Variants in RALYL observed in about 807,000 individuals in gnomAD.
RALYL encodes the protein RNA-binding Raly-like protein.
RALYL carries 29 observed loss-of-function variants against 35.1 expected under a neutral mutation model. The observed-to-expected ratio is 0.83, with a 90% confidence interval of 0.61 to 1.13. The LOEUF is 1.13. RALYL is among the 50% of genes most tolerant of loss of function. The pLI is 0.00. For missense variants in RALYL, 359 were observed against 360.4 expected, an observed-to-expected ratio of 1.00 and a Z score of 0.03; for synonymous variants, 120 against 127.6, an observed-to-expected ratio of 0.94 and a Z score of 0.40.
chr8:84,589,216 G>A (rs1302662752), intron 2 of RALYL, among the ~76,000 whole-genome samples: 1 of 152,108 alleles, frequency 6.6e-6, no homozygotes, highest in Non-Finnish European at 1.5e-5. Flanking sequence ...AACATCAATA[G>A]TGATTATGAA....
chr8:84,796,068 A>G (rs1225684395), intron 3 of RALYL, among the ~76,000 whole-genome samples: 1 of 152,178 alleles, frequency 6.6e-6, no homozygotes, highest in Non-Finnish European at 1.5e-5. Context: ...CTGTGAGTAC[A>G]TGCTTGAGGT....
intron 2 of RALYL, among the ~76,000 whole-genome samples, chr8:84,659,259 A>G (rs1830477092): frequency 6.6e-6 from 1 of 152,062 alleles, no homozygotes; most frequent in Admixed American, 6.6e-5. Flanking sequence ...TCAGGCAGAG[A>G]GAGAAGTGGA....
chr8:84,195,402 T>G (rs931667819), intron 1 of RALYL, among the ~76,000 whole-genome samples: 3 of 152,012 alleles, frequency 2.0e-5, no homozygotes, highest in Non-Finnish European at 2.9e-5. Flanking sequence ...ATCGCACCAT[T>G]GCACTCCAGC....
At chr8:84,794,520 A>G (rs1000601961) in intron 3 of RALYL, among the ~76,000 whole-genome samples, 4 of 152,220 alleles carry the variant, frequency 2.6e-5, no homozygotes, top group Admixed American at 2.0e-4. Context: ...GAGATGAGCA[A>G]ATCTTGCTAC....
At chr8:84,452,223 G>A (rs2049557576) in intron 1 of RALYL, among the ~76,000 whole-genome samples, 1 of 143,082 alleles carries the variant, frequency 7.0e-6, no homozygotes, top group South Asian at 2.3e-4. Flanking sequence ...TTGGTTTGTT[G>A]TTGATACTAC....
chr8:84,873,320 T>C lies in RALYL; in HGVS notation c.608T>C (p.Leu203Ser). The part of the protein sequence containing the change: ...SDELQTIKKE[L>S]TQIKTKIDSL... Reference sequence around the variant, plus strand: ...GAGTTACAGACCATCAAGAAAGAATTAACCCAGATCAAAACTAAAATTGAC... The same window carrying C: ...GAGTTACAGACCATCAAGAAAGAATCAACCCAGATCAAAACTAAAATTGAC... The change falls in exon 7 of 9, where the codon TTA becomes TCA. Residue 203 changes from leucine (L) to serine (S), a missense_variant. Leu to Ser is a moderately radical substitution (Grantham distance 145, BLOSUM62 -2). Coordinates refer to ENST00000521268, the MANE Select transcript of RALYL (RefSeq NM_173848.7). 1 of 1,600,194 alleles carries C rather than the reference T, an allele frequency of 6.2e-7. No individual in the cohort carries two copies. Among genetic ancestry groups the C allele is most frequent in the Non-Finnish European group, 8.5e-7 (1 of 1,172,912 alleles).
chr8:84,350,109 G>C (rs1850612222), intron 1 of RALYL, among the ~76,000 whole-genome samples: 1 of 150,622 alleles, frequency 6.6e-6, no homozygotes, highest in African/African-American at 2.5e-5. Flanking sequence ...GAACTGGAAA[G>C]GTAGAATTCA....
intron 1 of RALYL, among the ~76,000 whole-genome samples, chr8:84,336,012 TCC>T (rs1847734947): frequency 6.6e-6 from 1 of 152,134 alleles, no homozygotes; most frequent in Non-Finnish European, 1.5e-5. Context: ...AATCTAATAA[TCC>T]CAATAGTCTG....
intron 1 of RALYL, among the ~76,000 whole-genome samples, chr8:84,523,809 T>A (rs973534201): frequency 6.6e-6 from 1 of 151,992 alleles, no homozygotes; most frequent in African/African-American, 2.4e-5. Flanking sequence ...AATGATGCTT[T>A]CCAATTTCAT....
At chr8:84,453,844 G>A (rs1413580653) in intron 1 of RALYL, among the ~76,000 whole-genome samples, 4 of 151,962 alleles carry the variant, frequency 2.6e-5, no homozygotes, top group Admixed American at 6.6e-5. Flanking sequence ...AGCAGAGAAA[G>A]AATATTTTAA....
intron 1 of RALYL, among the ~76,000 whole-genome samples, chr8:84,223,051 C>T (rs1334296097): frequency 1.3e-5 from 2 of 151,680 alleles, no homozygotes; most frequent in Non-Finnish European, 2.9e-5. Flanking sequence ...GTCTTCTTAT[C>T]TTGCTTCCCT....
At chr8:84,500,218 C>T (rs1348571710) in intron 1 of RALYL, among the ~76,000 whole-genome samples, 13 of 152,074 alleles carry the variant, frequency 8.5e-5, no homozygotes, top group Non-Finnish European at 1.9e-4. Flanking sequence ...TTTTCAGTGT[C>T]TTTGAGAGTG....
intron 8 of RALYL, among the ~76,000 whole-genome samples, chr8:84,911,357 G>T (rs1397978309): frequency 6.6e-6 from 1 of 152,026 alleles, no homozygotes; most frequent in Non-Finnish European, 1.5e-5. Flanking sequence ...AACCCAAACA[G>T]ATCCAATCCA....
intron 1 of RALYL, among the ~76,000 whole-genome samples, chr8:84,332,983 T>C (rs1357444641): frequency 6.6e-6 from 1 of 152,190 alleles, no homozygotes; most frequent in Non-Finnish European, 1.5e-5. Context: ...CTTACTCTAG[T>C]ACATTCCTAC....
Position 84,663,663 on chromosome 8 carries a change from G to C in RALYL, c.257-110916G>C, listed in dbSNP as rs933230669. The stretch of plus-strand genomic sequence containing the variant: ...ATGTCCTTTGCCCACTTTTTAATGG[G>C]GTTGTTTTTTTAATTGTAAAATTGT... On this transcript the variant is annotated intron_variant, in intron 2 of 8. Transcript: ENST00000521268. 2.6e-5 allele frequency among the ~76,000 whole-genome samples: 4 copies of C among 151,864 alleles called. No individual in the cohort carries two copies. The South Asian group carries it at 8.3e-4, about 32-fold the overall frequency.
At chr8:84,472,476 G>GA (rs1439080749) in intron 1 of RALYL, among the ~76,000 whole-genome samples, 1 of 152,084 alleles carries the variant, frequency 6.6e-6, no homozygotes, top group Non-Finnish European at 1.5e-5. Flanking sequence ...TAGAGAAAAA[G>GA]AACTATGAAA....
chr8:84,587,798 G>A (rs1212990106), intron 2 of RALYL, among the ~76,000 whole-genome samples: 1 of 152,182 alleles, frequency 6.6e-6, no homozygotes, highest in African/African-American at 2.4e-5. Flanking sequence ...ATCAGATTAT[G>A]AGTAGCCCAC....
At chr8:84,686,941 A>C (rs1157824330) in intron 2 of RALYL, among the ~76,000 whole-genome samples, 1 of 152,114 alleles carries the variant, frequency 6.6e-6, no homozygotes, top group Non-Finnish European at 1.5e-5. Flanking sequence ...TTTCACTCTA[A>C]CTGAATTAAC....
chr8:84,883,488 G>T (rs112725212), intron 7 of RALYL, among the ~76,000 whole-genome samples: 36 of 152,132 alleles, frequency 2.4e-4, no homozygotes, highest in African/African-American at 8.4e-4. Flanking sequence ...TTATATGGCA[G>T]CAGGCAAGAG....
Sources: gnomAD v4.1 joint callset for allele counts (sites outside exome capture counted in the v4.1 genomes callset) on GRCh38, gnomAD v4.1.1 for gene constraint, MANE v1.5 for transcripts, NCBI Gene and HGNC (gene_info 2026-07-23, HGNC 2026-07-21) for gene names.